RANBP3L: variants seen among roughly 807,000 people sequenced by gnomAD.
The protein encoded by RANBP3L is RAN binding protein 3 like.
In RANBP3L, 56 loss-of-function variants were observed where a neutral mutation model predicts 67.2. The ratio of observed to expected loss-of-function variants is 0.83; its 90% CI spans 0.67 to 1.04. The LOEUF is 1.04. Among genes scored for constraint, RANBP3L ranks in the 50% least tolerant of loss-of-function variants. The pLI, the probability that RANBP3L is intolerant of heterozygous loss-of-function variation, is 0.00. For missense variants in RANBP3L, 496 were observed against 535.5 expected (o/e 0.93, Z 0.73); for synonymous variants, 164 against 181.4 (o/e 0.90, Z 0.77).
At chr5:36,270,407 T>C (rs1380664404) in intron 2 of RANBP3L, among the ~76,000 whole-genome samples, 1 of 152,204 alleles carries the variant, frequency 6.6e-6, no homozygotes, top group Non-Finnish European at 1.5e-5. Flanking sequence ...TTCTTTTGTT[T>C]AGTGTTTTTG....
chr5:36,301,140 G>C (rs913645851), intron 1 of RANBP3L, among the ~76,000 whole-genome samples, 186 bp downstream of exon 1: 2 of 152,286 alleles, frequency 1.3e-5, no homozygotes, highest in African/African-American at 2.4e-5. Flanking sequence ...CAGCTCCAAG[G>C]AATATGCATT....
chr5:36,253,472 G>T (rs1748738841), intron 12 of RANBP3L, among the ~76,000 whole-genome samples, 175 bp downstream of exon 12: 2 of 151,792 alleles, frequency 1.3e-5, no homozygotes, highest in Non-Finnish European at 2.9e-5. Flanking sequence ...AGACTTTGGT[G>T]TTAATTTCTG....
rs1183734324 is a variant in RANBP3L, at chr5:36,265,525, A to C, written c.269-5T>G. 7.7e-6 allele frequency: 12 copies of C among 1,562,430 alleles called. No individual in the cohort carries two copies. In the Admixed American group the frequency reaches 2.1e-4, roughly 27 times the overall value. On this transcript the variant is annotated splice_polypyrimidine_tract_variant and splice_region_variant and intron_variant, in intron 4 of 13. Transcript: ENST00000296604. ...TAAAAACATTGTTTTTCCTCACTGT[A>C]AGAAAAAATATTTAAATTTTTTTAA...
intron 1 of RANBP3L, among the ~76,000 whole-genome samples, chr5:36,277,422 C>CTATATATATA (rs1554017945): frequency 3.5e-5 from 4 of 115,262 alleles, no homozygotes; most frequent in Non-Finnish European, 5.3e-5. Context: ...CTCTCTCTCT[C>CTATATATATA]TATATATATA....
intron 1 of RANBP3L, among the ~76,000 whole-genome samples, chr5:36,278,785 A>T (rs1414988820): frequency 2.6e-5 from 4 of 152,210 alleles, no homozygotes; most frequent in Non-Finnish European, 4.4e-5. Flanking sequence ...AAAATTAGTC[A>T]TTCGGATATT....
chr5:36,275,920 A>G lies in RANBP3L; in HGVS notation c.92-4609T>C, dbSNP rs116727948. Among the ~76,000 whole-genome samples the G allele has an allele frequency of 3.7e-3, 559 of 152,316 alleles. 2 individuals carry two copies. The highest frequency in any genetic ancestry group is 0.02 in the Middle Eastern group (6 of 294). ...GCCTCATAAAACCATTTGATTCTTT[A>G]AATCACATGAATATGTATAACTTTG... On this transcript the variant is annotated intron_variant, in intron 1 of 13. Transcript: ENST00000296604.
At chr5:36,271,548 C>A (rs1049758410) in intron 1 of RANBP3L, among the ~76,000 whole-genome samples, 1 of 152,088 alleles carries the variant, frequency 6.6e-6, no homozygotes, top group Non-Finnish European at 1.5e-5. Flanking sequence ...TAGATAATCC[C>A]ATTAAAAGAA....
intron 7 of RANBP3L, 58 bp from the exon 8 acceptor site, chr5:36,260,922 C>A: frequency 2.8e-6 from 2 of 705,226 alleles, no homozygotes; most frequent in South Asian, 1.9e-5. Context: ...CCATTTTAAA[C>A]CTTGAAATAA....
intron 6 of RANBP3L, 129 bp from the exon 7 acceptor site, chr5:36,262,171 T>G (rs1241620339): frequency 3.6e-6 from 2 of 563,206 alleles, no homozygotes; most frequent in African/African-American, 3.8e-5. Flanking sequence ...CTTAAGCATT[T>G]TATGTACGAT....
chr5:36,274,239 C>T (rs1211744677), intron 1 of RANBP3L, among the ~76,000 whole-genome samples: 1 of 152,078 alleles, frequency 6.6e-6, no homozygotes, highest in Non-Finnish European at 1.5e-5. Flanking sequence ...GATGTAGTCC[C>T]TGCCTTTTAT....
intron 1 of RANBP3L, among the ~76,000 whole-genome samples, chr5:36,274,568 A>G (rs1481958668): frequency 1.3e-5 from 2 of 152,188 alleles, no homozygotes; most frequent in African/African-American, 4.8e-5. Flanking sequence ...TGATACCCTA[A>G]GAAAACAGTG....
At chr5:36,292,798 C>CTGTA (rs1751895944) in intron 1 of RANBP3L, among the ~76,000 whole-genome samples, 1 of 152,176 alleles carries the variant, frequency 6.6e-6, no homozygotes, top group South Asian at 2.1e-4. Flanking sequence ...GTTTTGGTTA[C>CTGTA]TGTAGCCTTG....
intron 6 of RANBP3L, 35 bp downstream of exon 6, chr5:36,264,924 A>G (rs1749648672): frequency 1.3e-6 from 2 of 1,590,756 alleles, no homozygotes; most frequent in Non-Finnish European, 1.7e-6. Flanking sequence ...AAGATGAGGG[A>G]TTGAGGTCAG....
intron 1 of RANBP3L, among the ~76,000 whole-genome samples, chr5:36,294,928 G>A (rs1272801517): frequency 6.9e-6 from 1 of 144,870 alleles, no homozygotes; most frequent in Non-Finnish European, 1.5e-5. Context: ...TATAATATAT[G>A]CATATATACA....
At chr5:36,291,415 A>ATTT (rs1433377294) in intron 1 of RANBP3L, among the ~76,000 whole-genome samples, 2 of 146,084 alleles carry the variant, frequency 1.4e-5, no homozygotes, top group African/African-American at 5.1e-5. Context: ...TATTATTATT[A>ATTT]TACTTTAAGT....
At chr5:36,256,612 A>G (rs899827643) in intron 10 of RANBP3L, among the ~76,000 whole-genome samples, 3 of 152,124 alleles carry the variant, frequency 2.0e-5, no homozygotes, top group Non-Finnish European at 4.4e-5. Context: ...AACATTGTTA[A>G]ACGTGTAAGT....
chr5:36,267,247 G>A (rs1348533978), intron 4 of RANBP3L, among the ~76,000 whole-genome samples: 3 of 152,134 alleles, frequency 2.0e-5, no homozygotes, highest in Admixed American at 1.3e-4. Flanking sequence ...GGTGGCTCAC[G>A]ACTGTAATCC....
At chr5:36,287,504 A>G (rs1751409779) in intron 1 of RANBP3L, among the ~76,000 whole-genome samples, 1 of 152,222 alleles carries the variant, frequency 6.6e-6, no homozygotes, top group Admixed American at 6.5e-5. Flanking sequence ...GTGAAAAAAT[A>G]TTCATGAAGT....
At chr5:36,282,947 G>A (rs1340954980) in intron 1 of RANBP3L, among the ~76,000 whole-genome samples, 1 of 152,186 alleles carries the variant, frequency 6.6e-6, no homozygotes, top group Non-Finnish European at 1.5e-5. Flanking sequence ...TAGTTTGGAG[G>A]AAGTAAAGGC....
Sources: allele counts gnomAD v4.1 joint callset (sites outside exome capture counted in the v4.1 genomes callset), GRCh38; gene constraint gnomAD v4.1.1; transcripts MANE v1.5; gene names NCBI Gene and HGNC (gene_info 2026-07-23, HGNC 2026-07-21).